CTNND2: variants seen among roughly 807,000 people sequenced by gnomAD.
The protein encoded by CTNND2 is catenin delta-2.
CTNND2 carries 22 observed loss-of-function variants against 144.4 expected under a neutral mutation model. That is an observed-to-expected ratio of 0.15 (90% CI 0.11 to 0.22). The LOEUF is 0.22. CTNND2 is among the 10% of genes least tolerant of loss of function. The pLI is 1.00. For missense variants in CTNND2, 1,353 were observed against 1,618.8 expected, an observed-to-expected ratio of 0.84 and a Z score of 2.82; for synonymous variants, 751 against 695.6, an observed-to-expected ratio of 1.08 and a Z score of -1.25.
At chr5:11,076,231 C>T (rs917370134) in intron 16 of CTNND2, among the ~76,000 whole-genome samples, 20 of 152,260 alleles carry the variant, frequency 1.3e-4, no homozygotes, top group Admixed American at 2.6e-4. Flanking sequence ...CAGGGAGTAG[C>T]CTTTATCAGG....
Position 11,395,212 on chromosome 5 carries a change from G to A in CTNND2, c.612+1819C>T, listed in dbSNP as rs61749803. On this transcript the variant is annotated intron_variant, in intron 6 of 21. Coordinates refer to ENST00000304623, the MANE Select transcript of CTNND2 (RefSeq NM_001332.4). ...GAAAATGCTGGCTTATTTGTTGAAC[G>A]TTTCTCTGACATTACATTGAAGTCA... is the stretch of plus-strand genomic sequence containing the variant. Among the ~76,000 whole-genome samples the A allele has an allele frequency of 9.2e-3, 1,398 of 152,282 alleles. 16 individuals carry two copies. Among genetic ancestry groups the A allele is most frequent in the African/African-American group, 0.032 (1,315 of 41,568 alleles).
chr5:11,459,632 GA>G (rs1448015747), intron 3 of CTNND2, among the ~76,000 whole-genome samples: 2 of 152,124 alleles, frequency 1.3e-5, no homozygotes, highest in East Asian at 3.8e-4. Flanking sequence ...ACCAGGCAAG[GA>G]AACTATTTCT....
intron 2 of CTNND2, among the ~76,000 whole-genome samples, chr5:11,626,302 G>A (rs1408346668): frequency 1.3e-5 from 2 of 152,224 alleles, no homozygotes; most frequent in African/African-American, 4.8e-5. Context: ...CTGATTGCTT[G>A]TTGTGCTTAC....
intron 9 of CTNND2, among the ~76,000 whole-genome samples, chr5:11,244,138 T>C (rs1256277639): frequency 1.3e-5 from 2 of 152,110 alleles, no homozygotes; most frequent in Non-Finnish European, 2.9e-5. Flanking sequence ...GTTAGATAGA[T>C]TTTTTTAAAG....
At chr5:11,024,696 G>A (rs1742639412) in intron 16 of CTNND2, among the ~76,000 whole-genome samples, 1 of 152,112 alleles carries the variant, frequency 6.6e-6, no homozygotes, top group Non-Finnish European at 1.5e-5. Context: ...ACACTGTCAA[G>A]GTTAAAACCA....
At chr5:11,619,016 T>C (rs1233104817) in intron 2 of CTNND2, among the ~76,000 whole-genome samples, 1 of 152,202 alleles carries the variant, frequency 6.6e-6, no homozygotes, top group Non-Finnish European at 1.5e-5. Flanking sequence ...TCGACAATCA[T>C]TTTTAAAAGT....
chr5:11,410,044 C>T (rs957047638), intron 5 of CTNND2, among the ~76,000 whole-genome samples: 14 of 152,044 alleles, frequency 9.2e-5, no homozygotes, highest in Non-Finnish European at 1.9e-4. Context: ...ACTATCATCT[C>T]CCCGTTTCCC....
intron 2 of CTNND2, among the ~76,000 whole-genome samples, chr5:11,665,056 G>A (rs7718554): frequency 0.018 from 2,815 of 152,222 alleles, 94 homozygotes; most frequent in African/African-American, 0.064. Context: ...AGCATCAAAA[G>A]ATGCTGATGG....
chr5:11,536,497 T>C (rs1184317985), intron 3 of CTNND2, among the ~76,000 whole-genome samples: 2 of 152,078 alleles, frequency 1.3e-5, no homozygotes, highest in Non-Finnish European at 2.9e-5. Flanking sequence ...AGTCAACAAG[T>C]GGATAAAGAA....
intron 9 of CTNND2, among the ~76,000 whole-genome samples, chr5:11,295,831 T>C (rs1032893662): frequency 2.0e-5 from 3 of 152,082 alleles, no homozygotes; most frequent in African/African-American, 7.2e-5. Flanking sequence ...CAAAAATTAA[T>C]TCAAGATGCA....
At chr5:11,681,670 C>A (rs1455310481) in intron 2 of CTNND2, among the ~76,000 whole-genome samples, 1 of 152,208 alleles carries the variant, frequency 6.6e-6, no homozygotes, top group Non-Finnish European at 1.5e-5. Context: ...GCACAATAAT[C>A]TTAATTACAG....
intron 2 of CTNND2, among the ~76,000 whole-genome samples, chr5:11,706,921 T>C (rs968602798): frequency 4.3e-4 from 65 of 151,754 alleles, no homozygotes; most frequent in African/African-American, 1.5e-3. Context: ...CCATCTCTAC[T>C]AAAAAATATA....
chr5:11,562,282 C>T (rs1389158273), intron 3 of CTNND2, among the ~76,000 whole-genome samples: 5 of 152,032 alleles, frequency 3.3e-5, no homozygotes, highest in Admixed American at 1.3e-4. Flanking sequence ...TTAAAATAGC[C>T]CTCTTTTTTT....
chr5:11,542,052 AAGCACAATGTAAT>A (rs1212997086), intron 3 of CTNND2, among the ~76,000 whole-genome samples: 1 of 152,112 alleles, frequency 6.6e-6, no homozygotes, highest in Non-Finnish European at 1.5e-5. Flanking sequence ...CCTGTTGAAA[AAGCACAATGTAAT>A]TATTAATAAA....
rs373435939 is a variant in CTNND2, at chr5:11,017,929, C to T, written c.3084+45G>A. The T allele has an allele frequency of 2.0e-4, 301 of 1,478,178 alleles. 3 individuals are homozygous for T. The highest frequency in any genetic ancestry group is 1.7e-3 in the South Asian group (151 of 88,152). 91.6% of individuals were successfully genotyped at this position (1,478,178 alleles called of 1,614,324 possible). On this transcript the variant is annotated intron_variant, in intron 18 of 21. Coordinates refer to ENST00000304623, the MANE Select transcript of CTNND2 (RefSeq NM_001332.4). ...ACGTCTGTGACGCCTCTCAGGGTCC[C>T]GTGTTGAGTGTTTGGACTCAGGGCC...
At chr5:11,757,126 T>C (rs1024477960) in intron 1 of CTNND2, among the ~76,000 whole-genome samples, 33 of 151,714 alleles carry the variant, frequency 2.2e-4, no homozygotes, top group African/African-American at 7.7e-4. Flanking sequence ...TACATATATA[T>C]GTAAAGGTAC....
At chr5:11,144,247 T>TTTC (rs1757035813) in intron 12 of CTNND2, among the ~76,000 whole-genome samples, 3 of 152,154 alleles carry the variant, frequency 2.0e-5, no homozygotes, top group African/African-American at 7.2e-5. Flanking sequence ...TTGTCTGTTT[T>TTTC]CATTGTCTTA....
At chr5:11,865,820 GC>G (rs1795734355) in intron 1 of CTNND2, among the ~76,000 whole-genome samples, 2 of 146,134 alleles carry the variant, frequency 1.4e-5, no homozygotes, top group Admixed American at 1.4e-4. Context: ...AAAGTACTCA[GC>G]CTGTTGACAC....
At chr5:11,109,969 A>G (rs1454774871) in intron 14 of CTNND2, among the ~76,000 whole-genome samples, 1 of 152,104 alleles carries the variant, frequency 6.6e-6, no homozygotes, top group Admixed American at 6.6e-5. Context: ...CTGTTTTTAT[A>G]TTGCTTTTTT....
Sources: allele counts gnomAD v4.1 joint callset (sites outside exome capture counted in the v4.1 genomes callset), GRCh38; gene constraint gnomAD v4.1.1; transcripts MANE v1.5; gene names NCBI Gene and HGNC (gene_info 2026-07-23, HGNC 2026-07-21).